The following CALCOCO2 variants were observed in gnomAD, a reference collection of about 807,000 sequenced individuals.
CALCOCO2 encodes calcium-binding and coiled-coil domain-containing protein 2.
CALCOCO2 carries 42 observed loss-of-function variants against 62.5 expected under a neutral mutation model. That is an observed-to-expected ratio of 0.67 (90% confidence interval 0.53 to 0.87). CALCOCO2 has a LOEUF of 0.87. Among genes scored for constraint, CALCOCO2 ranks in the 40% least tolerant of loss-of-function variants. The pLI is 0.00. For synonymous variants in CALCOCO2, 167 were observed against 173.0 expected, an observed-to-expected ratio of 0.97 and a Z score of 0.27; for missense variants, 456 against 515.0, an observed-to-expected ratio of 0.89 and a Z score of 1.11.
chr17:48,843,108 C>T (rs969542929), intron 2 of CALCOCO2, among the ~76,000 whole-genome samples: 10 of 152,098 alleles, frequency 6.6e-5, no homozygotes, highest in African/African-American at 2.4e-4. Context: ...TGAATAAGTG[C>T]GTCTGACTAC....
chr17:48,846,219 C>T (rs1227759005), intron 2 of CALCOCO2: 1 of 564,112 alleles, frequency 1.8e-6, no homozygotes, highest in Non-Finnish European at 3.0e-6. Flanking sequence ...TCACTGCAAC[C>T]TCTGCCTCCT....
At position 48,863,436 on chromosome 17, in the gene CALCOCO2, C is replaced by T. The variant is rs961913100; in HGVS notation, c.*431C>T. On this transcript the variant is annotated 3_prime_UTR_variant, in exon 13 of 13. Transcript: ENST00000258947. Reference sequence around the variant, plus strand: ...GAGATTGGTCCGAGGTTGAGAATTCCTTCCTCCTCATCCTTGGTGTTGCTT... The same window carrying T: ...GAGATTGGTCCGAGGTTGAGAATTCTTTCCTCCTCATCCTTGGTGTTGCTT... The T allele has an allele frequency of 5.9e-6, 1 of 170,736 alleles. No individual in the cohort carries two copies. Among genetic ancestry groups the T allele is most frequent in the African/African-American group, 2.4e-5 (1 of 41,860 alleles). The allele number at this position is 170,736 out of a possible 1,614,324, so 10.6% of individuals were successfully genotyped here. A position where few individuals can be genotyped will look rare whatever the true frequency, so the allele number is the denominator to read the frequency against.
chr17:48,852,554 G>T lies in CALCOCO2; in HGVS notation c.751G>T (p.Asp251Tyr), dbSNP rs1401814551. Residue 251 changes from aspartate (D) to tyrosine (Y), a missense_variant, in exon 8 of 13, where the codon GAT becomes TAT. Physicochemically the swap from Asp to Tyr is radical, Grantham distance 160. This residue lies in a region of CALCOCO2 where 236 missense variants were observed against 225.3 expected (regional missense o/e 1.05). Coordinates refer to ENST00000258947, the MANE Select transcript of CALCOCO2 (RefSeq NM_005831.5). ...EKEMEKLVQG[D>Y]QDKTEQLEQL... Reference sequence around the variant, plus strand: ...AGAAATGGAGAAGCTTGTTCAGGGAGATCAAGATAAGACAGAGCAGTTAGA... The same window carrying T: ...AGAAATGGAGAAGCTTGTTCAGGGATATCAAGATAAGACAGAGCAGTTAGA... 1.2e-6 allele frequency: 2 copies of T among 1,613,440 alleles called. No homozygotes were observed. Among genetic ancestry groups the T allele is most frequent in the Non-Finnish European group, 1.7e-6 (2 of 1,179,458 alleles).
chr17:48,849,201 A>G (rs1271873485), intron 4 of CALCOCO2, 51 bp from the exon 5 acceptor site: 1 of 1,594,984 alleles, frequency 6.3e-7, no homozygotes, highest in Admixed American at 1.7e-5. Flanking sequence ...ACCTATGGGA[A>G]TTTTCTGCTA....
At chr17:48,858,054 T>G (rs867883181) in intron 10 of CALCOCO2, among the ~76,000 whole-genome samples, 1 of 139,750 alleles carries the variant, frequency 7.2e-6, no homozygotes, top group Non-Finnish European at 1.6e-5. Context: ...GAAAATAGAA[T>G]AGAATAGAAT....
At chr17:48,862,027 C>T (rs898434982) in intron 11 of CALCOCO2, among the ~76,000 whole-genome samples, 2 of 142,168 alleles carry the variant, frequency 1.4e-5, no homozygotes, top group Admixed American at 7.5e-5. Context: ...CCAGCCTAGG[C>T]GACAAAGCGA....
At chr17:48,847,618 G>A (rs12948015) in intron 2 of CALCOCO2, 4 of 152,306 alleles carry the variant, frequency 2.6e-5, no homozygotes, top group Non-Finnish European at 4.4e-5. Flanking sequence ...GAGCCCTGGC[G>A]TGAGAATCTT....
chr17:48,863,238 C>T lies in CALCOCO2; in HGVS notation c.*233C>T, dbSNP rs111623438. On this transcript the variant is annotated 3_prime_UTR_variant, in exon 13 of 13. Transcript: ENST00000258947. ...GTCGCATAACTCTAGCTGTATCATC[C>T]TCTCACCTGTCATTCTTCTGAGGGT... The T allele has an allele frequency of 1.5e-3, 723 of 467,682 alleles. 3 individuals are homozygous for T. The highest frequency in any genetic ancestry group is 0.013 in the African/African-American group (676 of 50,710). The allele number at this position is 467,682 out of a possible 1,614,324, so 29.0% of individuals were successfully genotyped here.
At chr17:48,844,093 G>A (rs1387525390) in intron 2 of CALCOCO2, 1 of 152,338 alleles carries the variant, frequency 6.6e-6, no homozygotes, top group Non-Finnish European at 1.5e-5. Flanking sequence ...ATGCTGGTCA[G>A]GCTGGTCTCG....
chr17:48,857,520 T>TTTTTTTA (rs2040237229), intron 10 of CALCOCO2, among the ~76,000 whole-genome samples: 1 of 128,028 alleles, frequency 7.8e-6, no homozygotes, highest in Non-Finnish European at 1.6e-5. Context: ...TTTTTTTTTT[T>TTTTTTTA]GAGACGGAGT....
Position 48,852,983 on chromosome 17 carries a change from A to G in CALCOCO2, c.883A>G (p.Thr295Ala), listed in dbSNP as rs2040156213. 1 of 1,613,110 alleles carries G rather than the reference A, an allele frequency of 6.2e-7. No individual in the cohort carries two copies. The highest frequency in any genetic ancestry group is 8.5e-7 in the Non-Finnish European group (1 of 1,179,078). The change falls in exon 9 of 13, where the codon ACT becomes GCT. Residue 295 changes from threonine to alanine, a missense_variant. Physicochemically the swap from Thr to Ala is moderately conservative, Grantham distance 58. Around this residue, in one of 3 missense-constraint regions of CALCOCO2, gnomAD observed 172 missense variants for 210.3 expected, o/e 0.82. Coordinates refer to ENST00000258947, the MANE Select transcript of CALCOCO2 (RefSeq NM_005831.5). ...TVEQMKQNETTAMKKQQELMD... is the reference protein window; with the variant it reads ...TVEQMKQNETAAMKKQQELMD... The stretch of plus-strand genomic sequence containing the variant: ...GGAGCAAATGAAGCAGAATGAAACT[A>G]CTGCAATGAAGAAACAACAGGAATT...
chr17:48,853,077 G>A lies in CALCOCO2; in HGVS notation c.912+65G>A, dbSNP rs566089014. On this transcript the variant is annotated intron_variant, in intron 9 of 12. Coordinates refer to ENST00000258947, the MANE Select transcript of CALCOCO2 (RefSeq NM_005831.5). ...TAGGGATGTAGAAGAAAAGGATATG[G>A]GCCTATTTTCCGGTTGATGGACAGG... 1,345 of 1,107,416 alleles carry A rather than the reference G, an allele frequency of 1.2e-3. 10 individuals are homozygous for A. Among genetic ancestry groups the A allele is most frequent in the South Asian group, 8.6e-3 (684 of 79,166 alleles). The allele number at this position is 1,107,416 out of a possible 1,614,324, so 68.6% of individuals were successfully genotyped here.
chr17:48,857,637 T>C (rs1053617160), intron 10 of CALCOCO2, among the ~76,000 whole-genome samples: 1 of 150,592 alleles, frequency 6.6e-6, no homozygotes, highest in Admixed American at 6.7e-5. Flanking sequence ...TGCCTCCTAG[T>C]GATCATTTTT....
intron 8 of CALCOCO2, 118 bp from the exon 9 acceptor site, chr17:48,852,808 G>A (rs776097051): frequency 1.7e-5 from 17 of 984,016 alleles, no homozygotes; most frequent in Non-Finnish European, 2.5e-5. Flanking sequence ...ACTGACGAGA[G>A]AAGACTTGCC....
In CALCOCO2 at chr17:48,847,926, A is replaced by T. The variant is rs544388196; in HGVS notation, c.181-138A>T. On this transcript the variant is annotated intron_variant, in intron 2 of 12. Coordinates refer to ENST00000258947, the MANE Select transcript of CALCOCO2 (RefSeq NM_005831.5). ...CACCTTGGCCTCCCAAAGTGCTAGGATTACAGGCATGAGCCACTGCACCCG... is the reference window on the plus strand; with the variant it reads ...CACCTTGGCCTCCCAAAGTGCTAGGTTTACAGGCATGAGCCACTGCACCCG... The T allele has an allele frequency of 5.0e-6, 3 of 599,626 alleles. No homozygotes were observed. The East Asian group carries it at 8.7e-5, about 17-fold the overall frequency. The allele number at this position is 599,626 out of a possible 1,614,324, so 37.1% of individuals were successfully genotyped here.
At chr17:48,841,234 A>G (rs1340189167) in intron 1 of CALCOCO2, among the ~76,000 whole-genome samples, 2 of 152,208 alleles carry the variant, frequency 1.3e-5, no homozygotes, top group African/African-American at 4.8e-5. Context: ...CTAGCAGAGT[A>G]TCTTATGTAT....
At chr17:48,841,937 A>C (rs1325651827) in intron 2 of CALCOCO2, 50 bp downstream of exon 2, 3 of 1,333,808 alleles carry the variant, frequency 2.2e-6, no homozygotes, top group Non-Finnish European at 3.2e-6. Flanking sequence ...GGTGATTCTT[A>C]GTTACCTAAC....
At chr17:48,845,145 A>AT (rs201692727) in intron 2 of CALCOCO2, among the ~76,000 whole-genome samples, 187 of 151,746 alleles carry the variant, frequency 1.2e-3, no homozygotes, top group African/African-American at 4.3e-3. Context: ...CAAAAAAAAA[A>AT]TTTTTTTTAA....
At chr17:48,849,400 A>G in intron 5 of CALCOCO2, 23 bp downstream of exon 5, 8 of 1,609,066 alleles carry the variant, frequency 5.0e-6, no homozygotes, top group Non-Finnish European at 6.8e-6. Flanking sequence ...GTTATAGGTG[A>G]CCTTGGAGCA....
Sources: gnomAD v4.1 joint callset for allele counts (sites outside exome capture counted in the v4.1 genomes callset) on GRCh38, gnomAD v4.1.1 for gene constraint, gnomAD v4.1.1 regional missense constraint, MANE v1.5 for transcripts, NCBI Gene and HGNC (gene_info 2026-07-23, HGNC 2026-07-21) for gene names.